Variants in NRG1 observed in about 807,000 individuals in gnomAD.
NRG1 encodes the protein pro-neuregulin-1, membrane-bound isoform.
Under a neutral mutation model 63.8 loss-of-function variants are expected in NRG1, and 18 were observed. The ratio of observed to expected loss-of-function variants is 0.28; its 90% CI spans 0.19 to 0.42. The LOEUF is 0.42. Among genes scored for constraint, NRG1 ranks in the 10% least tolerant of loss-of-function variants. NRG1 has a pLI of 1.00. For missense variants in NRG1, 762 were observed against 814.7 expected (o/e 0.94, Z 0.79); for synonymous variants, 302 against 301.3 (o/e 1.00, Z -0.02).
chr8:32,381,798 C>A (rs1402993990), intron 1 of NRG1, among the ~76,000 whole-genome samples: 3 of 151,922 alleles, frequency 2.0e-5, no homozygotes, highest in Admixed American at 2.0e-4. Flanking sequence ...TTGAACTATA[C>A]AAAATATAAA....
intron 1 of NRG1, among the ~76,000 whole-genome samples, chr8:32,204,367 C>T (rs1177810180): frequency 3.3e-5 from 5 of 152,138 alleles, no homozygotes; most frequent in Non-Finnish European, 7.4e-5. Flanking sequence ...ATGAACCTAT[C>T]GTTTTGTTTA....
intron 5 of NRG1, among the ~76,000 whole-genome samples, chr8:32,693,672 ATACT>A (rs1279750995): frequency 6.6e-6 from 1 of 152,086 alleles, no homozygotes; most frequent in East Asian, 1.9e-4. Flanking sequence ...TAGATAGAAC[ATACT>A]TGGTCTGAAA....
rs144686765 is a variant in NRG1 at position 32,752,803 on chromosome 8, C to A, written c.692-1569C>A. ...TGTATACTCTATGCAGCATTCTAGT[C>A]CTTTACCCACTGACTTCTCTTTTCC... On this transcript the variant is annotated intron_variant, in intron 7 of 11. Transcript: ENST00000356819. Among the ~76,000 whole-genome samples, 396 of 152,072 alleles carry A rather than the reference C, an allele frequency of 2.6e-3. 3 individuals carry two copies. The highest frequency in any genetic ancestry group is 9.0e-3 in the African/African-American group (374 of 41,490).
At chr8:31,693,103 G>A (rs1196207754) in intron 1 of NRG1, among the ~76,000 whole-genome samples, 2 of 152,092 alleles carry the variant, frequency 1.3e-5, no homozygotes, top group South Asian at 2.1e-4. Flanking sequence ...CCTTGCTGCC[G>A]CTGCATGCCA....
chr8:32,020,219 T>C (rs1057106793), intron 1 of NRG1, among the ~76,000 whole-genome samples: 5 of 152,224 alleles, frequency 3.3e-5, no homozygotes, highest in Non-Finnish European at 7.4e-5. Context: ...GTATTATGCA[T>C]GTTTCATTAG....
upstream of NRG1, chr8:32,548,149 C>T (rs1003312318): frequency 2.2e-6 from 2 of 898,024 alleles, no homozygotes; most frequent in Non-Finnish European, 2.7e-6. Context: ...CGAGCCCAGG[C>T]TCCTCCCGGT....
At position 31,701,349 on chromosome 8, in the gene NRG1, A is replaced by G. The variant is rs553734604; in HGVS notation, c.37+61918A>G. Among the ~76,000 whole-genome samples the G allele has an allele frequency of 9.9e-5, 15 of 152,268 alleles. No homozygotes were observed. The South Asian group carries it at 2.9e-3, about 29-fold the overall frequency. Reference sequence around the variant, plus strand: ...TTCTCACTCTTGTGAGCATGTTTCTAAATCCCAAATCAATCTGACAAAGGA... The same window carrying G: ...TTCTCACTCTTGTGAGCATGTTTCTGAATCCCAAATCAATCTGACAAAGGA... On this transcript the variant is annotated intron_variant, in intron 1 of 10. Coordinates refer to the NRG1 transcript ENST00000519301.
At chr8:32,491,307 T>C (rs186064120) in intron 1 of NRG1, among the ~76,000 whole-genome samples, 43 of 152,328 alleles carry the variant, frequency 2.8e-4, no homozygotes, top group South Asian at 8.3e-4. Flanking sequence ...CATTATATTA[T>C]AGCACGAAGA....
chr8:32,605,792 A>G, intron 3 of NRG1, 109 bp downstream of exon 3: 1 of 1,262,052 alleles, frequency 7.9e-7, no homozygotes, highest in South Asian at 1.5e-5. Context: ...TGAACAAATT[A>G]AAAACAGAGA....
intron 1 of NRG1, chr8:32,061,629 C>G (rs1367064330): frequency 1.3e-5 from 2 of 151,992 alleles, no homozygotes; most frequent in Non-Finnish European, 2.9e-5. Flanking sequence ...TTATAGCAGA[C>G]AGGTTCCCAG....
chr8:31,859,127 A>T (rs944646625), intron 1 of NRG1, among the ~76,000 whole-genome samples: 1 of 152,208 alleles, frequency 6.6e-6, no homozygotes, highest in African/African-American at 2.4e-5. Flanking sequence ...AAAATTCATG[A>T]TCTAAAACCG....
intron 1 of NRG1, among the ~76,000 whole-genome samples, chr8:31,854,696 G>A (rs1430014099): frequency 6.6e-6 from 1 of 152,006 alleles, no homozygotes; most frequent in Non-Finnish European, 1.5e-5. Flanking sequence ...TCCTTTAATT[G>A]TGATGTTAGG....
intron 1 of NRG1, among the ~76,000 whole-genome samples, chr8:32,470,880 C>G (rs1303271122): frequency 6.6e-6 from 1 of 152,000 alleles, no homozygotes; most frequent in East Asian, 1.9e-4. Flanking sequence ...TCACTGCAGC[C>G]TCAAATTCCT....
intron 6 of NRG1, among the ~76,000 whole-genome samples, chr8:32,730,432 G>A (rs1053455409): frequency 6.6e-6 from 1 of 152,064 alleles, no homozygotes; most frequent in African/African-American, 2.4e-5. Flanking sequence ...CAGCCTGGGT[G>A]ACAGAGTAAG....
At chr8:31,846,609 T>C (rs1826712159) in intron 1 of NRG1, among the ~76,000 whole-genome samples, 1 of 152,116 alleles carries the variant, frequency 6.6e-6, no homozygotes, top group South Asian at 2.1e-4. Flanking sequence ...AATAGAAAAA[T>C]CTTGTTTGCA....
At chr8:31,883,395 T>C (rs184406171) in intron 1 of NRG1, among the ~76,000 whole-genome samples, 267 of 152,288 alleles carry the variant, frequency 1.8e-3, no homozygotes, top group Non-Finnish European at 2.9e-3. Flanking sequence ...TGCTTTATTA[T>C]GATGTTCACT....
At chr8:32,305,423 C>CA (rs35476488) in intron 1 of NRG1, among the ~76,000 whole-genome samples, 45,067 of 150,856 alleles carry the variant, frequency 0.3, 7,722 homozygotes, top group South Asian at 0.46. Flanking sequence ...ACGAATTCTT[C>CA]AAAAAAAAAT....
chr8:32,431,317 G>T (rs1443232417), intron 1 of NRG1, among the ~76,000 whole-genome samples: 1 of 152,130 alleles, frequency 6.6e-6, no homozygotes, highest in African/African-American at 2.4e-5. Context: ...TAGCAAATAG[G>T]TATCAGAGCC....
intron 1 of NRG1, among the ~76,000 whole-genome samples, chr8:32,363,510 A>C (rs1563362819): frequency 6.6e-6 from 1 of 152,170 alleles, no homozygotes; most frequent in East Asian, 1.9e-4. Context: ...CTTTTCATAG[A>C]TGGATGGGTT....
Sources: allele counts gnomAD v4.1 joint callset (sites outside exome capture counted in the v4.1 genomes callset), GRCh38; gene constraint gnomAD v4.1.1; transcripts MANE v1.5; gene names NCBI Gene and HGNC (gene_info 2026-07-23, HGNC 2026-07-21).